EXOSC10: variants seen among roughly 807,000 people sequenced by gnomAD.
The protein encoded by EXOSC10 is exosome complex component 10.
In EXOSC10, 94 loss-of-function variants were observed where a neutral mutation model predicts 126.6. The ratio of observed to expected loss-of-function variants is 0.74; its 90% CI spans 0.63 to 0.88. EXOSC10 has a LOEUF of 0.88. Ranked by LOEUF, EXOSC10 falls within the 40% of genes least tolerant of loss-of-function variation. The pLI is 0.00. For missense variants in EXOSC10, 1,041 were observed against 1,100.5 expected, an observed-to-expected ratio of 0.95 and a Z score of 0.77; for synonymous variants, 395 against 400.8, an observed-to-expected ratio of 0.99 and a Z score of 0.17.
intron 3 of EXOSC10, among the ~76,000 whole-genome samples, chr1:11,093,532 T>C (rs934964580): frequency 2.6e-5 from 4 of 152,198 alleles, no homozygotes; most frequent in Non-Finnish European, 5.9e-5. Context: ...GATTTAAATA[T>C]TTTCAGGACT....
intron 13 of EXOSC10, 148 bp downstream of exon 13, chr1:11,080,351 T>C: frequency 1.0e-6 from 1 of 970,952 alleles, no homozygotes; most frequent in Non-Finnish European, 1.6e-6. Context: ...GCAGAAATTC[T>C]ATATTCCTTC....
At chr1:11,076,771 C>G in intron 17 of EXOSC10, 71 bp downstream of exon 17, 1 of 1,187,804 alleles carries the variant, frequency 8.4e-7, no homozygotes, top group East Asian at 2.3e-5. Context: ...TCCAGGCAGA[C>G]AGCCTGCTGA....
intron 2 of EXOSC10, among the ~76,000 whole-genome samples, chr1:11,096,454 T>C (rs1301873358): frequency 1.4e-5 from 2 of 143,696 alleles, no homozygotes; most frequent in East Asian, 4.2e-4. Context: ...CCAGCCTTTT[T>C]CTTTCTTTCT....
At chr1:11,090,730 G>A (rs1640759455) in intron 5 of EXOSC10, 62 bp from the exon 6 acceptor site, 1 of 1,245,314 alleles carries the variant, frequency 8.0e-7, no homozygotes, top group East Asian at 2.5e-5. Flanking sequence ...TAATTACACA[G>A]GGGTAAACTG....
At chr1:11,076,301 T>C (rs1048962145) in intron 17 of EXOSC10, among the ~76,000 whole-genome samples, 1 of 152,030 alleles carries the variant, frequency 6.6e-6, no homozygotes, top group African/African-American at 2.4e-5. Context: ...TGAGCCATGA[T>C]TGTGCCACTG....
intron 17 of EXOSC10, among the ~76,000 whole-genome samples, chr1:11,075,744 G>T (rs570651827): frequency 6.7e-6 from 1 of 150,252 alleles, no homozygotes. Flanking sequence ...CCAGCTACTC[G>T]AGAGAAGGCT....
intron 9 of EXOSC10, among the ~76,000 whole-genome samples, chr1:11,085,463 T>C (rs574863075): frequency 3.3e-5 from 5 of 152,372 alleles, no homozygotes; most frequent in African/African-American, 9.6e-5. Context: ...TTTTTGAATA[T>C]TGATTTTGTA....
intron 12 of EXOSC10, 28 bp from the exon 13 acceptor site, chr1:11,080,577 C>T (rs767277170): frequency 3.8e-6 from 6 of 1,586,438 alleles, no homozygotes; most frequent in Non-Finnish European, 5.1e-6. Context: ...CACACACACA[C>T]ACACACACAC....
intron 2 of EXOSC10, among the ~76,000 whole-genome samples, 194 bp downstream of exon 2, chr1:11,097,826 A>G (rs1417732618): frequency 6.6e-6 from 1 of 152,214 alleles, no homozygotes; most frequent in East Asian, 1.9e-4. Context: ...AAGTCAATAC[A>G]TTTTTTAAAG....
intron 10 of EXOSC10, among the ~76,000 whole-genome samples, chr1:11,081,951 G>A (rs1012273016): frequency 1.3e-5 from 2 of 151,794 alleles, no homozygotes; most frequent in Admixed American, 6.6e-5. Context: ...GCGTGGTGGT[G>A]CACGCCTGTA....
chr1:11,085,380 C>T (rs1640433133), intron 9 of EXOSC10, among the ~76,000 whole-genome samples: 1 of 152,158 alleles, frequency 6.6e-6, no homozygotes, highest in South Asian at 2.1e-4. Context: ...ATTTCATTCT[C>T]TTTGAAGCAA....
At chr1:11,068,509 G>A in intron 23 of EXOSC10, 136 bp downstream of exon 23, 1 of 717,960 alleles carries the variant, frequency 1.4e-6, no homozygotes, top group Admixed American at 2.2e-5. Context: ...AGTACTGTCT[G>A]CCCTTGGGAA....
intron 21 of EXOSC10, among the ~76,000 whole-genome samples, chr1:11,070,265 T>TAAAA (rs35601923): frequency 4.2e-4 from 42 of 100,562 alleles, no homozygotes; most frequent in Admixed American, 6.2e-4. Context: ...AAAAGGAAAT[T>TAAAA]AAAAAAAAAA....
In EXOSC10 at chr1:11,070,949, G is replaced by A. The variant is rs745967792; in HGVS notation, c.2267C>T (p.Ala756Val). The change falls in exon 21 of 25, where the codon GCG (alanine) becomes GTG (valine). Residue 756 changes from alanine to valine, a missense_variant. Ala to Val is a moderately conservative substitution (Grantham distance 64, BLOSUM62 0). Coordinates refer to ENST00000376936, the MANE Select transcript of EXOSC10 (RefSeq NM_001001998.3). ...GGCCTGTTCTGCTGCAGCTTTGCAC[G>A]CCTCCTTTGCCTGTTCCCGGGCAGC... is the stretch of plus-strand genomic sequence containing the variant. ...QTAAREQAKEACKAAAEQAIS... is the reference protein window; with the variant it reads ...QTAAREQAKEVCKAAAEQAIS... 3.6e-5 allele frequency: 58 copies of A among 1,613,890 alleles called. No homozygotes were observed. Among genetic ancestry groups the A allele is most frequent in the Middle Eastern group, 1.6e-4 (1 of 6,084 alleles).
chr1:11,076,737 T>G, intron 17 of EXOSC10, 105 bp downstream of exon 17: 1 of 893,978 alleles, frequency 1.1e-6, no homozygotes, highest in Admixed American at 1.9e-5. Context: ...GCTCTCAGCA[T>G]TAGTCTCCGA....
At chr1:11,089,048 T>C (rs1172737958) in intron 6 of EXOSC10, among the ~76,000 whole-genome samples, 1 of 151,816 alleles carries the variant, frequency 6.6e-6, no homozygotes, top group African/African-American at 2.4e-5. Context: ...AGAAAGACCC[T>C]GTGTTTACAA....
chr1:11,087,639 T>C, intron 8 of EXOSC10, 48 bp from the exon 9 acceptor site: 13 of 1,598,088 alleles, frequency 8.1e-6, no homozygotes, highest in Non-Finnish European at 1.0e-5. Flanking sequence ...AAGATTATAT[T>C]AGACTTTCCT....
rs1640091686 is a variant in EXOSC10 at position 11,080,560 on chromosome 1, AAAAAC to A, written c.1587-16_1587-12del. On this transcript the variant is annotated splice_polypyrimidine_tract_variant and intron_variant, in intron 12 of 24. Transcript: ENST00000376936. The stretch of plus-strand genomic sequence containing the variant: ...TTTGGCAGTACATATCTGGAAAAAA[AAAAAC>A]ACACACACACACACACACACACACA... 1 of 1,511,954 alleles carries A rather than the reference AAAAAC, an allele frequency of 6.6e-7. No individual in the cohort carries two copies. Among genetic ancestry groups the A allele is most frequent in the East Asian group, 2.5e-5 (1 of 39,768 alleles). The allele number at this position is 1,511,954 out of a possible 1,614,324, so 93.7% of individuals were successfully genotyped here.
At chr1:11,068,853 C>T in intron 22 of EXOSC10, 147 bp from the exon 23 acceptor site, 2 of 685,528 alleles carry the variant, frequency 2.9e-6, no homozygotes, top group Middle Eastern at 2.5e-4. Context: ...GGGCTCATGG[C>T]TCACATAAAT....
Sources: allele counts gnomAD v4.1 joint callset (sites outside exome capture counted in the v4.1 genomes callset), GRCh38; gene constraint gnomAD v4.1.1; transcripts MANE v1.5; gene names NCBI Gene and HGNC (gene_info 2026-07-23, HGNC 2026-07-21).